The following RBFOX1 variants were observed in gnomAD, a reference collection of about 807,000 sequenced individuals.
RBFOX1 encodes RNA binding protein fox-1 homolog 1.
A neutral mutation model predicts 57.7 loss-of-function variants in RBFOX1; 8 were observed. The ratio of observed to expected loss-of-function variants is 0.14; its 90% CI spans 0.08 to 0.25. The LOEUF is 0.25. RBFOX1 is among the 10% of genes least tolerant of loss of function. RBFOX1 has a pLI of 1.00. For missense variants in RBFOX1, 611 were observed against 548.5 expected (o/e 1.11, Z -1.14); for synonymous variants, 326 against 222.4 (o/e 1.47, Z -4.15).
At chr16:5,989,843 A>AAC (rs199624083) in intron 4 of RBFOX1, among the ~76,000 whole-genome samples, 1,309 of 20,730 alleles carry the variant, frequency 0.063, 20 homozygotes, top group Middle Eastern at 0.14. Context: ...AACACCCCCT[A>AAC]ACACACACAC....
At chr16:6,765,331 C>A (rs141838454) in intron 3 of RBFOX1, among the ~76,000 whole-genome samples, 1 of 152,100 alleles carries the variant, frequency 6.6e-6, no homozygotes, top group African/African-American at 2.4e-5. Flanking sequence ...ATTCTGTCTA[C>A]CACTGGAAAT....
rs144892955 is a variant in RBFOX1, at chr16:6,540,942, A to G, written c.-63-113661A>G. On this transcript the variant is annotated intron_variant, in intron 2 of 15. Transcript: ENST00000550418. ...GAGTTGAGGTCTGGGATTATCTGCT[A>G]TCAGAGGAAATTCCTGCCAGAACCC... Among the ~76,000 whole-genome samples the G allele has an allele frequency of 1.2e-4, 18 of 152,292 alleles. No individual in the cohort carries two copies. In the East Asian group the frequency reaches 3.3e-3, roughly 28 times the overall value.
intron 2 of RBFOX1, among the ~76,000 whole-genome samples, chr16:6,540,000 C>T (rs1254525848): frequency 1.3e-5 from 2 of 152,126 alleles, no homozygotes; most frequent in Non-Finnish European, 2.9e-5. Flanking sequence ...AACTTTGTTA[C>T]TTTCAGGTAT....
intron 1 of RBFOX1, among the ~76,000 whole-genome samples, chr16:5,358,217 A>G (rs569264285): frequency 1.3e-4 from 20 of 151,998 alleles, no homozygotes; most frequent in African/African-American, 4.4e-4. Context: ...CACATTAGCT[A>G]GGCCTTCTCC....
intron 14 of RBFOX1, among the ~76,000 whole-genome samples, chr16:7,701,908 GGTTTCTCCCT>G (rs1161239557): frequency 6.6e-6 from 1 of 152,112 alleles, no homozygotes; most frequent in Non-Finnish European, 1.5e-5. Flanking sequence ...CTTTCAGGAG[GGTTTCTCCCT>G]GTTGCAGCAA....
At chr16:6,528,460 A>G (rs115297632) in intron 2 of RBFOX1, among the ~76,000 whole-genome samples, 61 of 152,318 alleles carry the variant, frequency 4.0e-4, no homozygotes, top group African/African-American at 1.4e-3. Context: ...GTTTGTTTAC[A>G]TGCACCCTAC....
intron 4 of RBFOX1, among the ~76,000 whole-genome samples, chr16:7,207,958 G>A (rs1307798662): frequency 1.3e-5 from 2 of 152,178 alleles, no homozygotes; most frequent in Admixed American, 6.5e-5. Flanking sequence ...AAGCTTCTCA[G>A]TTACCTTTAT....
chr16:5,454,300 C>A (rs2068514458), intron 1 of RBFOX1, among the ~76,000 whole-genome samples: 1 of 152,190 alleles, frequency 6.6e-6, no homozygotes, highest in African/African-American at 2.4e-5. Context: ...TAGCAAACCA[C>A]CCTAAACTTA....
chr16:5,690,750 T>C (rs375100892), intron 3 of RBFOX1, among the ~76,000 whole-genome samples: 21 of 152,312 alleles, frequency 1.4e-4, no homozygotes, highest in African/African-American at 4.6e-4. Context: ...CGCGTATGTC[T>C]TTCTCTAAGA....
chr16:5,999,797 C>T (rs2060557185), intron 4 of RBFOX1, among the ~76,000 whole-genome samples: 1 of 128,806 alleles, frequency 7.8e-6, no homozygotes, highest in Non-Finnish European at 1.6e-5. Context: ...GGAGGCGGAG[C>T]TTGTGGTGAG....
intron 14 of RBFOX1, among the ~76,000 whole-genome samples, chr16:7,704,923 T>TGTAATCCCAGCAAC (rs1397856149): frequency 6.6e-6 from 1 of 151,964 alleles, no homozygotes; most frequent in Admixed American, 6.6e-5. Context: ...GATGGGCGCC[T>TGTAATCCCAGCAAC]GTAATCCCAG....
intron 3 of RBFOX1, among the ~76,000 whole-genome samples, chr16:6,996,483 C>A (rs1246558162): frequency 1.3e-5 from 2 of 152,142 alleles, no homozygotes; most frequent in Non-Finnish European, 2.9e-5. Context: ...ATCCTCCTAT[C>A]TGGACACGCA....
At chr16:7,258,670 T>A (rs1182202302) in intron 4 of RBFOX1, among the ~76,000 whole-genome samples, 1 of 152,314 alleles carries the variant, frequency 6.6e-6, no homozygotes, top group African/African-American at 2.4e-5. Context: ...GATGGCTGAA[T>A]TTCAAATGAA....
At chr16:5,812,143 A>G (rs1385823763) in intron 3 of RBFOX1, among the ~76,000 whole-genome samples, 1 of 152,182 alleles carries the variant, frequency 6.6e-6, no homozygotes, top group Non-Finnish European at 1.5e-5. Flanking sequence ...TTGTGCGGTC[A>G]TGTTCCACTG....
intron 4 of RBFOX1, among the ~76,000 whole-genome samples, chr16:7,128,930 C>G (rs1426335933): frequency 6.6e-6 from 1 of 151,092 alleles, no homozygotes; most frequent in Non-Finnish European, 1.5e-5. Context: ...AAGCCATTCT[C>G]CTGCCTCAAC....
intron 7 of RBFOX1, among the ~76,000 whole-genome samples, chr16:7,592,962 C>T (rs1268265332): frequency 2.7e-5 from 4 of 149,474 alleles, no homozygotes; most frequent in African/African-American, 9.8e-5. Context: ...ACAATAGGTA[C>T]AGGCTGTCAC....
At chr16:7,436,317 T>C (rs931496419) in intron 4 of RBFOX1, among the ~76,000 whole-genome samples, 2 of 152,260 alleles carry the variant, frequency 1.3e-5, no homozygotes, top group African/African-American at 4.8e-5. Flanking sequence ...TCTTTCATTG[T>C]ATGCCAAATT....
intron 2 of RBFOX1, among the ~76,000 whole-genome samples, chr16:6,390,152 A>G (rs1435133476): frequency 6.6e-6 from 1 of 152,236 alleles, no homozygotes. Context: ...GTTTGCAGTT[A>G]TCCTTGGCAC....
intron 1 of RBFOX1, among the ~76,000 whole-genome samples, chr16:6,223,322 G>A (rs1374987475): frequency 6.6e-6 from 1 of 150,438 alleles, no homozygotes; most frequent in African/African-American, 2.4e-5. Context: ...CAACAACAGT[G>A]TAAAAGTGTT....
Sources: gnomAD v4.1 joint callset for allele counts (sites outside exome capture counted in the v4.1 genomes callset) on GRCh38, gnomAD v4.1.1 for gene constraint, MANE v1.5 for transcripts, NCBI Gene and HGNC (gene_info 2026-07-23, HGNC 2026-07-21) for gene names.